The following RBFOX1 variants were observed in gnomAD, a reference collection of about 807,000 sequenced individuals.
The protein encoded by RBFOX1 is RNA binding fox-1 homolog 1.
A neutral mutation model predicts 57.7 loss-of-function variants in RBFOX1; 8 were observed. The ratio of observed to expected loss-of-function variants is 0.14; its 90% CI spans 0.08 to 0.25. The LOEUF is 0.25. RBFOX1 is among the 10% of genes least tolerant of loss of function. The pLI, the probability that RBFOX1 is intolerant of heterozygous loss-of-function variation, is 1.00. For synonymous variants in RBFOX1, 326 were observed against 222.4 expected (o/e 1.47, Z -4.15); for missense variants, 611 against 548.5 (o/e 1.11, Z -1.14).
chr16:5,757,447 G>T (rs1347523931), intron 3 of RBFOX1, among the ~76,000 whole-genome samples: 1 of 152,010 alleles, frequency 6.6e-6, no homozygotes, highest in Non-Finnish European at 1.5e-5. Flanking sequence ...GGCCGGGATG[G>T]TCTCGATCTC....
chr16:6,967,759 G>C (rs1323572026), intron 3 of RBFOX1, among the ~76,000 whole-genome samples: 4 of 152,100 alleles, frequency 2.6e-5, no homozygotes, highest in Non-Finnish European at 5.9e-5. Flanking sequence ...CCGTGCAGCT[G>C]TGGGACCCTG....
intron 3 of RBFOX1, among the ~76,000 whole-genome samples, chr16:6,987,530 CAT>C (rs897009684): frequency 2.0e-5 from 3 of 150,600 alleles, no homozygotes; most frequent in African/African-American, 7.4e-5. Flanking sequence ...ACATTGCAAA[CAT>C]AATCATATAC....
At chr16:5,565,309 G>A (rs1214508091) in intron 2 of RBFOX1, among the ~76,000 whole-genome samples, 2 of 152,160 alleles carry the variant, frequency 1.3e-5, no homozygotes, top group Non-Finnish European at 2.9e-5. Flanking sequence ...GTGCATGCAT[G>A]TGCACATACC....
At chr16:5,393,424 C>G (rs1404911824) in intron 1 of RBFOX1, among the ~76,000 whole-genome samples, 1 of 152,184 alleles carries the variant, frequency 6.6e-6, no homozygotes, top group Non-Finnish European at 1.5e-5. Flanking sequence ...ATTCCTACCC[C>G]TTCAGTGGTT....
At chr16:6,515,502 A>C (rs545231594) in intron 2 of RBFOX1, among the ~76,000 whole-genome samples, 1 of 152,324 alleles carries the variant, frequency 6.6e-6, no homozygotes, top group East Asian at 1.9e-4. Context: ...GTCATACCCA[A>C]ATGGCCAGTT....
chr16:5,937,871 A>C (rs943046442), intron 4 of RBFOX1, among the ~76,000 whole-genome samples: 2 of 151,624 alleles, frequency 1.3e-5, no homozygotes, highest in Admixed American at 1.3e-4. Context: ...ATACATGCTT[A>C]CATAGATATA....
At chr16:6,127,182 AG>A in intron 1 of RBFOX1, among the ~76,000 whole-genome samples, 1 of 152,050 alleles carries the variant, frequency 6.6e-6, no homozygotes, top group East Asian at 1.9e-4. Flanking sequence ...ATGGAGTAAG[AG>A]GGTAATGAGG....
chr16:6,617,441 G>A (rs1434205725), intron 2 of RBFOX1, among the ~76,000 whole-genome samples: 1 of 151,958 alleles, frequency 6.6e-6, no homozygotes, highest in East Asian at 2.0e-4. Context: ...GGTAGTTTGG[G>A]TCTGACTCTC....
chr16:6,980,596 A>T (rs375533481), intron 3 of RBFOX1, among the ~76,000 whole-genome samples: 15 of 152,312 alleles, frequency 9.8e-5, no homozygotes, highest in African/African-American at 3.4e-4. Flanking sequence ...AATAAAATGG[A>T]GGTGGCAGGT....
chr16:7,537,730 G>C (rs929727951), intron 5 of RBFOX1, among the ~76,000 whole-genome samples: 1 of 152,166 alleles, frequency 6.6e-6, no homozygotes, highest in African/African-American at 2.4e-5. Context: ...CTCAGGAATA[G>C]TGTTTGGAAT....
intron 3 of RBFOX1, among the ~76,000 whole-genome samples, chr16:6,814,790 C>T (rs1365968304): frequency 6.6e-6 from 1 of 152,044 alleles, no homozygotes; most frequent in Non-Finnish European, 1.5e-5. Context: ...ATAGAAGCAG[C>T]ACATCAAGGG....
At chr16:7,556,046 A>G (rs1246702469) in intron 5 of RBFOX1, among the ~76,000 whole-genome samples, 1 of 152,184 alleles carries the variant, frequency 6.6e-6, no homozygotes, top group Non-Finnish European at 1.5e-5. Flanking sequence ...CTAAATATTA[A>G]ATTTTATACT....
intron 4 of RBFOX1, among the ~76,000 whole-genome samples, chr16:5,939,732 G>T (rs556398561): frequency 1.8e-4 from 27 of 152,304 alleles, no homozygotes; most frequent in African/African-American, 5.8e-4. Context: ...ATCTGTGGAT[G>T]TATTCTAAAA....
chr16:7,142,546 G>C (rs1032958670), intron 4 of RBFOX1, among the ~76,000 whole-genome samples: 2 of 152,108 alleles, frequency 1.3e-5, no homozygotes, highest in African/African-American at 4.8e-5. Flanking sequence ...CGCATGGCCG[G>C]CTCTTTCTTA....
intron 4 of RBFOX1, among the ~76,000 whole-genome samples, chr16:5,978,788 G>T (rs1036607746): frequency 6.6e-6 from 1 of 151,378 alleles, no homozygotes; most frequent in Non-Finnish European, 1.5e-5. Flanking sequence ...CTCATGATTA[G>T]CCTGGGGTTT....
chr16:7,662,010 C>G (rs1176708136), intron 12 of RBFOX1, among the ~76,000 whole-genome samples: 1 of 148,254 alleles, frequency 6.7e-6, no homozygotes, highest in East Asian at 2.3e-4. Context: ...GGCCATGGTG[C>G]ATAACAACTT....
chr16:6,761,780 C>T (rs1200787936), intron 3 of RBFOX1, among the ~76,000 whole-genome samples: 1 of 152,032 alleles, frequency 6.6e-6, no homozygotes, highest in Non-Finnish European at 1.5e-5. Context: ...GCTGGGATTA[C>T]AGGCATGAGC....
chr16:7,066,975 T>C (rs2056206764), intron 4 of RBFOX1, among the ~76,000 whole-genome samples: 1 of 152,190 alleles, frequency 6.6e-6, no homozygotes, highest in South Asian at 2.1e-4. Flanking sequence ...CAAAGACACA[T>C]GGAAATGCCT....
intron 4 of RBFOX1, among the ~76,000 whole-genome samples, chr16:7,442,021 C>G (rs74012583): frequency 0.012 from 1,797 of 152,304 alleles, 35 homozygotes; most frequent in African/African-American, 0.041. Flanking sequence ...GAGCTTTTCC[C>G]CTAGTTCATG....
Sources: gnomAD v4.1 joint callset for allele counts (sites outside exome capture counted in the v4.1 genomes callset) on GRCh38, gnomAD v4.1.1 for gene constraint, MANE v1.5 for transcripts, NCBI Gene and HGNC (gene_info 2026-07-23, HGNC 2026-07-21) for gene names.